TMEM132B: variants seen among roughly 807,000 people sequenced by gnomAD.
The protein encoded by TMEM132B is transmembrane protein 132B.
TMEM132B carries 18 observed loss-of-function variants against 90.8 expected under a neutral mutation model. The observed-to-expected ratio is 0.20, with a 90% CI of 0.14 to 0.29. TMEM132B has a LOEUF of 0.29. Among genes scored for constraint, TMEM132B ranks in the 10% least tolerant of loss-of-function variants. The pLI, the probability that TMEM132B is intolerant of heterozygous loss-of-function variation, is 1.00. For missense variants in TMEM132B, 1,096 were observed against 1,326.8 expected, an observed-to-expected ratio of 0.83 and a Z score of 2.70; for synonymous variants, 504 against 523.3, an observed-to-expected ratio of 0.96 and a Z score of 0.50.
intron 3 of TMEM132B, among the ~76,000 whole-genome samples, chr12:125,486,731 A>G (rs866290747): frequency 5.3e-5 from 8 of 152,182 alleles, no homozygotes; most frequent in South Asian, 2.1e-4. Flanking sequence ...GTAAAATCCT[A>G]TTTCCCAGTG....
At chr12:125,393,611 C>A (rs1879090557) in intron 2 of TMEM132B, among the ~76,000 whole-genome samples, 7 of 152,010 alleles carry the variant, frequency 4.6e-5, no homozygotes, top group Admixed American at 4.6e-4. Context: ...ATGCGAACAC[C>A]CACATCAGTC....
At chr12:125,418,565 G>T (rs539217835) in intron 3 of TMEM132B, among the ~76,000 whole-genome samples, 10 of 152,180 alleles carry the variant, frequency 6.6e-5, no homozygotes, top group African/African-American at 2.2e-4. Context: ...GTACAGGCTC[G>T]TGGACCGTGC....
At chr12:125,218,928 T>C (rs1375079597) in intron 1 of TMEM132B, among the ~76,000 whole-genome samples, 1 of 152,016 alleles carries the variant, frequency 6.6e-6, no homozygotes. Flanking sequence ...CCTTTTGGGG[T>C]GATGAAAATG....
rs373409251 is a variant in TMEM132B at position 125,204,475 on chromosome 12, A to T, written c.67+17609A>T. Among the ~76,000 whole-genome samples, 22 of 102,000 alleles carry T rather than the reference A, an allele frequency of 2.2e-4. No homozygotes were observed. The South Asian group carries it at 8.6e-3, about 40-fold the overall frequency. The allele number at this position is 102,000 out of a possible 152,430, so 66.9% of individuals were successfully genotyped here. ...GCACTGTGCTTAGCTCTTTATGTGG[A>T]GTATCTCATGAATCCTTTCAATGAA... On this transcript the variant is annotated intron_variant, in intron 1 of 8. Transcript: ENST00000682704.
chr12:125,362,144 T>G (rs892805715), intron 2 of TMEM132B, among the ~76,000 whole-genome samples: 6 of 152,170 alleles, frequency 3.9e-5, no homozygotes, highest in Non-Finnish European at 5.9e-5. Context: ...TAGGGCTACT[T>G]GTCTGCAAGT....
chr12:125,366,451 G>C (rs555701098), intron 2 of TMEM132B, among the ~76,000 whole-genome samples: 8 of 152,136 alleles, frequency 5.3e-5, no homozygotes, highest in African/African-American at 1.9e-4. Context: ...CTTTTTGATA[G>C]TGCCATTTTA....
rs1879800109 is a variant in TMEM132B at position 125,411,055 on chromosome 12, G to GGAGT, written c.960-4474_960-4471dup. ...TGGAGTGAGTGGAGTGGAGTGGAGT[G>GGAGT]GAGTGGAGTGAGTGGAGTGAGTGGA... On this transcript the variant is annotated intron_variant, in intron 2 of 8. Coordinates refer to ENST00000682704, the MANE Select transcript of TMEM132B (RefSeq NM_001366854.1). 9.7e-4 allele frequency among the ~76,000 whole-genome samples: 5 copies of GGAGT among 5,166 alleles called. 1 individual carries two copies. Among genetic ancestry groups the GGAGT allele is most frequent in the Non-Finnish European group, 1.8e-3 (5 of 2,716 alleles). The allele number at this position is 5,166 out of a possible 152,430, so 3.4% of individuals were successfully genotyped here. A position where few individuals can be genotyped will look rare whatever the true frequency, so the allele number is the denominator to read the frequency against.
intron 3 of TMEM132B, among the ~76,000 whole-genome samples, chr12:125,438,407 G>T (rs1292465962): frequency 6.6e-6 from 1 of 152,218 alleles, no homozygotes; most frequent in Non-Finnish European, 1.5e-5. Context: ...CCCACGATCT[G>T]CTATACATGC....
At chr12:125,257,252 G>T (rs147173314) in intron 1 of TMEM132B, among the ~76,000 whole-genome samples, 35 of 152,244 alleles carry the variant, frequency 2.3e-4, no homozygotes, top group Middle Eastern at 6.8e-3. Flanking sequence ...GCTGCTGGGA[G>T]CTATGATCAT....
At chr12:125,278,408 G>A (rs1473957622) in intron 1 of TMEM132B, among the ~76,000 whole-genome samples, 2 of 150,076 alleles carry the variant, frequency 1.3e-5, no homozygotes, top group African/African-American at 4.9e-5. Flanking sequence ...AACTCATATT[G>A]GTTTTTAATT....
At chr12:125,394,152 A>G (rs1593120797) in intron 2 of TMEM132B, among the ~76,000 whole-genome samples, 1 of 152,224 alleles carries the variant, frequency 6.6e-6, no homozygotes, top group South Asian at 2.1e-4. Flanking sequence ...CTTAAAATTC[A>G]GTTCTCAGAG....
chr12:125,192,139 C>T (rs868686931), intron 1 of TMEM132B, among the ~76,000 whole-genome samples: 14 of 152,302 alleles, frequency 9.2e-5, no homozygotes, highest in Middle Eastern at 6.8e-3. Flanking sequence ...CTTAGCCCTT[C>T]GTTAGATTTT....
intron 3 of TMEM132B, among the ~76,000 whole-genome samples, chr12:125,446,278 G>A (rs988425532): frequency 1.3e-5 from 2 of 152,162 alleles, no homozygotes; most frequent in African/African-American, 4.8e-5. Context: ...AATAGTAGGT[G>A]CTCAATGAAT....
At chr12:125,255,244 C>A (rs1420219130) in intron 1 of TMEM132B, among the ~76,000 whole-genome samples, 2 of 151,394 alleles carry the variant, frequency 1.3e-5, no homozygotes, top group Non-Finnish European at 2.9e-5. Flanking sequence ...TCTTCTCTCT[C>A]CTCTCTCTCT....
chr12:125,322,542 C>T (rs1274886986), intron 1 of TMEM132B, among the ~76,000 whole-genome samples: 2 of 152,172 alleles, frequency 1.3e-5, no homozygotes, highest in African/African-American at 4.8e-5. Context: ...TGTCAGTGAA[C>T]ACAGGGAGCT....
At position 125,376,507 on chromosome 12, in the gene TMEM132B, A is replaced by G. The variant is rs555884801; in HGVS notation, c.959+26164A>G. ...CCAGCCCCGGTGGATGCTCATTTAC[A>G]CTCCTCCTGCCCAGCAGCTCCTCCA... On this transcript the variant is annotated intron_variant, in intron 2 of 8. Coordinates refer to ENST00000682704, the MANE Select transcript of TMEM132B (RefSeq NM_001366854.1). Among the ~76,000 whole-genome samples the G allele has an allele frequency of 3.9e-5, 6 of 151,924 alleles. No individual in the cohort carries two copies. The East Asian group carries it at 1.2e-3, about 29-fold the overall frequency.
chr12:125,306,180 G>C (rs1385426056), intron 1 of TMEM132B, among the ~76,000 whole-genome samples: 1 of 152,226 alleles, frequency 6.6e-6, no homozygotes, highest in Admixed American at 6.5e-5. Context: ...TTGGCAGATT[G>C]TCTAATTTTC....
intron 3 of TMEM132B, among the ~76,000 whole-genome samples, chr12:125,468,487 T>C (rs1593161210): frequency 6.6e-6 from 1 of 152,214 alleles, no homozygotes; most frequent in African/African-American, 2.4e-5. Context: ...GGAAGCCCAA[T>C]GTATGTTCCA....
chr12:125,554,872 G>T (rs1326835620), intron 4 of TMEM132B, among the ~76,000 whole-genome samples: 1 of 152,120 alleles, frequency 6.6e-6, no homozygotes, highest in Admixed American at 6.5e-5. Flanking sequence ...TTTCTTTGCT[G>T]CACTTTCCTC....
Sources: allele counts gnomAD v4.1 joint callset (sites outside exome capture counted in the v4.1 genomes callset), GRCh38; gene constraint gnomAD v4.1.1; transcripts MANE v1.5; gene names NCBI Gene and HGNC (gene_info 2026-07-23, HGNC 2026-07-21).